The following PIWIL1 variants were observed in gnomAD, a reference collection of about 807,000 sequenced individuals.
PIWIL1 encodes the protein piwi like RNA-mediated gene silencing 1.
A neutral mutation model predicts 114.4 loss-of-function variants in PIWIL1; 73 were observed. The observed-to-expected ratio is 0.64, with a 90% CI of 0.53 to 0.78. The LOEUF (loss-of-function observed/expected upper bound fraction) is 0.78. Among genes scored for constraint, PIWIL1 ranks in the 30% least tolerant of loss-of-function variants. The pLI, the probability that PIWIL1 is intolerant of heterozygous loss-of-function variation, is 0.00. For synonymous variants in PIWIL1, 375 were observed against 369.0 expected (o/e 1.02, Z -0.19); for missense variants, 723 against 1,063.1 (o/e 0.68, Z 4.45).
chr12:130,407,828 C>T, the PIWIL1 span: 1 of 1,613,420 alleles, frequency 6.2e-7, no homozygotes, highest in South Asian at 1.1e-5. Context: ...TCCTGCTTCT[C>T]TCTGTTCAGA....
At chr12:130,407,300 T>TG in the PIWIL1 span, among the ~76,000 whole-genome samples, 4 of 152,186 alleles carry the variant, frequency 2.6e-5, no homozygotes, top group African/African-American at 7.2e-5. Context: ...CATCCCAAGC[T>TG]GTGCCAGGCG....
the PIWIL1 span, among the ~76,000 whole-genome samples, chr12:130,405,200 A>AAC: frequency 6.6e-6 from 1 of 152,086 alleles, no homozygotes; most frequent in East Asian, 1.9e-4. Flanking sequence ...TGGAGAAGCA[A>AAC]ACACACACAC....
chr12:130,373,865 C>T (rs2073846689), downstream of PIWIL1, among the ~76,000 whole-genome samples: 1 of 152,160 alleles, frequency 6.6e-6, no homozygotes, highest in South Asian at 2.1e-4. Flanking sequence ...GAATTCACTG[C>T]CGCACTCACA....
the PIWIL1 span, among the ~76,000 whole-genome samples, chr12:130,383,128 C>A: frequency 6.6e-6 from 1 of 152,160 alleles, no homozygotes; most frequent in South Asian, 2.1e-4. Flanking sequence ...ATTGAATTAA[C>A]CCATAGTAAG....
chr12:130,352,067 C>T (rs998826451), intron 9 of PIWIL1, among the ~76,000 whole-genome samples: 1 of 152,154 alleles, frequency 6.6e-6, no homozygotes, highest in African/African-American at 2.4e-5. Flanking sequence ...CTTGAGATCT[C>T]AGCTCAGCTT....
chr12:130,355,814 G>A, intron 12 of PIWIL1, 147 bp downstream of exon 12: 1 of 646,414 alleles, frequency 1.5e-6, no homozygotes. Flanking sequence ...TGAGGCTTGG[G>A]TCAGATCACA....
the PIWIL1 span, among the ~76,000 whole-genome samples, chr12:130,404,581 G>A: frequency 3.3e-5 from 5 of 152,288 alleles, no homozygotes; most frequent in South Asian, 2.1e-4. Context: ...GTGCCCGGCC[G>A]TTGGATCTAT....
rs374997938 is a variant in PIWIL1, at chr12:130,361,645, G to A, written c.1970+44G>A. ...CTGTGGGTGGCAGTGAGGACATAAAGCAGGGTTCTGGAGGTTCAGGAGTAG... is the reference window on the plus strand; with the variant it reads ...CTGTGGGTGGCAGTGAGGACATAAAACAGGGTTCTGGAGGTTCAGGAGTAG... On this transcript the variant is annotated intron_variant, in intron 16 of 20. Coordinates refer to ENST00000245255, the MANE Select transcript of PIWIL1 (RefSeq NM_004764.5). 32 of 1,493,012 alleles carry A rather than the reference G, an allele frequency of 2.1e-5. No individual in the cohort carries two copies. The African/African-American group carries it at 3.3e-4, about 15-fold the overall frequency. 92.5% of individuals were successfully genotyped at this position (1,493,012 alleles called of 1,614,324 possible).
At chr12:130,366,783 TAC>T (rs71451365) in intron 18 of PIWIL1, 2 of 185,266 alleles carry the variant, frequency 1.1e-5, no homozygotes, top group Non-Finnish European at 2.2e-5. Flanking sequence ...TTATATTTTC[TAC>T]ACAGTAGAAA....
the PIWIL1 span, among the ~76,000 whole-genome samples, chr12:130,392,999 A>C: frequency 7.4e-6 from 1 of 135,604 alleles, no homozygotes; most frequent in African/African-American, 2.9e-5. Context: ...TTACCTGGTG[A>C]GTATTGAATG....
the PIWIL1 span, chr12:130,424,549 G>C: frequency 8.1e-7 from 1 of 1,231,822 alleles, no homozygotes; most frequent in African/African-American, 1.6e-5. This position sits in a 1 kb window ranked among gnomAD's most constrained non-coding sequence, Gnocchi z 9.8. Flanking sequence ...CGGCTGAACC[G>C]ACAGCCCCTG....
the PIWIL1 span, among the ~76,000 whole-genome samples, chr12:130,393,342 G>A: frequency 1.1e-3 from 130 of 115,210 alleles, no homozygotes; most frequent in East Asian, 2.0e-3. Context: ...CCATCATCAC[G>A]TGTGTCCGTC....
downstream of PIWIL1, among the ~76,000 whole-genome samples, chr12:130,376,726 T>G (rs1483637482): frequency 6.6e-6 from 1 of 152,254 alleles, no homozygotes; most frequent in Middle Eastern, 3.2e-3. Context: ...CCTGTCAGCC[T>G]AGCCTTCCTA....
At chr12:130,366,930 C>G (rs1303427813) in intron 18 of PIWIL1, among the ~76,000 whole-genome samples, 1 of 152,132 alleles carries the variant, frequency 6.6e-6, no homozygotes, top group Non-Finnish European at 1.5e-5. Flanking sequence ...GACATATGTG[C>G]CATTTGGTTT....
chr12:130,352,920 G>T (rs1467206145), intron 9 of PIWIL1, among the ~76,000 whole-genome samples: 1 of 152,186 alleles, frequency 6.6e-6, no homozygotes, highest in African/African-American at 2.4e-5. Flanking sequence ...AAAATAGGTA[G>T]TATAGCTACG....
intron 8 of PIWIL1, 29 bp downstream of exon 8, chr12:130,349,465 A>G (rs1280687976): frequency 1.4e-6 from 2 of 1,456,416 alleles, no homozygotes; most frequent in African/African-American, 2.8e-5. Context: ...GTGCACAATA[A>G]TTTTTTGTGA....
At chr12:130,412,140 C>T in the PIWIL1 span, among the ~76,000 whole-genome samples, 1 of 152,042 alleles carries the variant, frequency 6.6e-6, no homozygotes, top group Admixed American at 6.5e-5. Flanking sequence ...TGCTTGCAGA[C>T]TGGCTTAAGA....
chr12:130,421,671 A>G, the PIWIL1 span, among the ~76,000 whole-genome samples: 5 of 143,196 alleles, frequency 3.5e-5, no homozygotes, highest in East Asian at 4.1e-4. Flanking sequence ...TGCTGTATCA[A>G]GAGTTCTCCC....
chr12:130,390,094 G>T, the PIWIL1 span, among the ~76,000 whole-genome samples: 2 of 152,256 alleles, frequency 1.3e-5, no homozygotes, highest in South Asian at 4.1e-4. Context: ...TGATTTTCTG[G>T]TGTATTGTTC....
Sources: allele counts gnomAD v4.1 joint callset (sites outside exome capture counted in the v4.1 genomes callset), GRCh38; gene constraint gnomAD v4.1.1; non-coding constraint Gnocchi (gnomAD v3.1); transcripts MANE v1.5; gene names NCBI Gene and HGNC (gene_info 2026-07-23, HGNC 2026-07-21).